Variants in TANC1 observed in about 807,000 individuals in gnomAD.
The protein encoded by TANC1 is tetratricopeptide repeat, ankyrin repeat and coiled-coil containing 1, also known as protein TANC1.
In TANC1, 77 loss-of-function variants were observed where a neutral mutation model predicts 149.7. The observed-to-expected ratio is 0.51, with a 90% confidence interval of 0.43 to 0.62. TANC1 has a LOEUF of 0.62. Ranked by LOEUF, TANC1 falls within the 20% of genes least tolerant of loss-of-function variation. The pLI is 0.00. For missense variants in TANC1, 1,985 were observed against 2,321.8 expected (o/e 0.85, Z 2.98); for synonymous variants, 854 against 925.0 (o/e 0.92, Z 1.39).
chr2:159,112,463 C>T (rs1206740674), intron 4 of TANC1, among the ~76,000 whole-genome samples: 1 of 151,806 alleles, frequency 6.6e-6, no homozygotes, highest in Non-Finnish European at 1.5e-5. Context: ...ACCATGTTGC[C>T]CAGGCTGGTG....
rs769047143 is a variant in TANC1 at position 159,229,941 on chromosome 2, G to A, written c.4515G>A (p.Gln1505=). The A allele has an allele frequency of 1.2e-6, 2 of 1,613,968 alleles. No homozygotes were observed. Among genetic ancestry groups the A allele is most frequent in the African/African-American group, 1.3e-5 (1 of 74,948 alleles). The change falls in exon 27 of 27, where the codon CAG becomes CAA. Residue 1505 remains glutamine (Q), a synonymous_variant. Transcript: ENST00000263635. ...LQSKGRPVSP[Q]SRAGIGKSLR... Reference sequence around the variant, plus strand: ...CCAAAGGAAGGCCGGTATCGCCACAGAGCAGGGCAGGAATCGGCAAGTCCC... The same window carrying A: ...CCAAAGGAAGGCCGGTATCGCCACAAAGCAGGGCAGGAATCGGCAAGTCCC...
At chr2:159,100,563 C>G (rs2046581223) in intron 4 of TANC1, among the ~76,000 whole-genome samples, 1 of 152,182 alleles carries the variant, frequency 6.6e-6, no homozygotes, top group Non-Finnish European at 1.5e-5. Context: ...GGGATGTTCT[C>G]TCTATTAGAT....
At chr2:159,105,500 C>A (rs2047092501) in intron 4 of TANC1, among the ~76,000 whole-genome samples, 1 of 152,120 alleles carries the variant, frequency 6.6e-6, no homozygotes, top group African/African-American at 2.4e-5. Context: ...GTGATATTTA[C>A]AAACATCTCT....
chr2:159,196,688 G>T lies in TANC1; in HGVS notation c.3060G>T (p.Leu1020=), dbSNP rs2057878725. ...LRGHGDILQY[L]LTCEWSPGPP... is the part of the protein sequence containing the mutation. ...GCCACGGTGACATTCTCCAGTACCT[G>T]CTGACTTGTGAGTGGTCGCCGGGTC... is the stretch of plus-strand genomic sequence containing the variant. Residue 1020 remains leucine, a synonymous_variant, in exon 18 of 27, where the codon CTG becomes CTT. Coordinates refer to ENST00000263635, the MANE Select transcript of TANC1 (RefSeq NM_033394.3). 1.2e-6 allele frequency: 2 copies of T among 1,613,942 alleles called. No individual in the cohort carries two copies. The highest frequency in any genetic ancestry group is 1.7e-6 in the Non-Finnish European group (2 of 1,180,004).
intron 2 of TANC1, chr2:159,003,911 A>G: frequency 6.2e-7 from 1 of 1,612,950 alleles, no homozygotes; most frequent in Non-Finnish European, 8.5e-7. Context: ...TACAGCTCGC[A>G]GAAAGAAGAA....
chr2:159,005,677 A>T (rs1049639039), intron 2 of TANC1, among the ~76,000 whole-genome samples: 1 of 151,874 alleles, frequency 6.6e-6, no homozygotes, highest in African/African-American at 2.4e-5. Context: ...ATAATTTTAT[A>T]ATTTTGTTAT....
At chr2:159,093,006 G>A (rs1344890023) in intron 3 of TANC1, among the ~76,000 whole-genome samples, 1 of 152,194 alleles carries the variant, frequency 6.6e-6, no homozygotes, top group Non-Finnish European at 1.5e-5. Flanking sequence ...TCCCATCTGA[G>A]ACAGTGTGAT....
intron 2 of TANC1, among the ~76,000 whole-genome samples, chr2:159,042,596 C>G (rs564815494): frequency 1.3e-4 from 20 of 152,106 alleles, no homozygotes; most frequent in African/African-American, 4.8e-4. Context: ...TCAGGCAGAA[C>G]GAAGCCAGTG....
intron 2 of TANC1, among the ~76,000 whole-genome samples, chr2:159,018,533 C>T (rs773702562): frequency 1.2e-4 from 19 of 152,110 alleles, no homozygotes; most frequent in Non-Finnish European, 1.8e-4. Context: ...TGTAAGTGTA[C>T]GGTTCAGTGG....
At chr2:159,205,659 G>A (rs1249871378) in intron 19 of TANC1, among the ~76,000 whole-genome samples, 4 of 152,322 alleles carry the variant, frequency 2.6e-5, no homozygotes, top group East Asian at 1.9e-4. Context: ...CTACACCATC[G>A]AAGTTTGTGT....
intron 8 of TANC1, 66 bp from the exon 9 acceptor site, chr2:159,169,184 A>T: frequency 7.6e-7 from 1 of 1,315,260 alleles, no homozygotes; most frequent in South Asian, 1.3e-5. Context: ...TTTATAAGTT[A>T]TAGTCACTTA....
chr2:158,983,468 C>CAAAAAAAAAAAAAAAAA lies in TANC1; in HGVS notation c.-126+14689_-126+14705dup, dbSNP rs35472970. On this transcript the variant is annotated intron_variant, in intron 1 of 26. Transcript: ENST00000263635. ...GGAGACAGAGCAAGACTCCGTCTCC[C>CAAAAAAAAAAAAAAAAA]AAAAAAAAAAAAAAAAAAACACCAA... 9.7e-4 allele frequency among the ~76,000 whole-genome samples: 86 copies of CAAAAAAAAAAAAAAAAA among 88,782 alleles called. 2 individuals are homozygous for CAAAAAAAAAAAAAAAAA. Among genetic ancestry groups the CAAAAAAAAAAAAAAAAA allele is most frequent in the Admixed American group, 8.7e-3 (63 of 7,248 alleles). The allele number at this position is 88,782 out of a possible 152,430, so 58.2% of individuals were successfully genotyped here. A position where few individuals can be genotyped will look rare whatever the true frequency, so the allele number is the denominator to read the frequency against.
At chr2:159,215,340 G>C (rs75052583) in intron 19 of TANC1, among the ~76,000 whole-genome samples, 1 of 152,122 alleles carries the variant, frequency 6.6e-6, no homozygotes, top group African/African-American at 2.4e-5. Flanking sequence ...AAGGACAGTC[G>C]GTAGAGACTG....
In TANC1 at chr2:159,220,523, T is replaced by C. The variant is rs1254238964; in HGVS notation, c.3678+656T>C. 2.6e-5 allele frequency among the ~76,000 whole-genome samples: 4 copies of C among 151,452 alleles called. No homozygotes were observed. In the South Asian group the frequency reaches 6.3e-4, roughly 24 times the overall value. ...TTCACCATGTTGGCCAGGCTGGTCT[T>C]GAACTCCTGACCTCATGATCCGCCT... is the stretch of plus-strand genomic sequence containing the variant. On this transcript the variant is annotated intron_variant, in intron 22 of 26. Transcript: ENST00000263635.
At chr2:159,076,632 T>G (rs1336449732) in intron 3 of TANC1, among the ~76,000 whole-genome samples, 2 of 152,228 alleles carry the variant, frequency 1.3e-5, no homozygotes, top group Non-Finnish European at 2.9e-5. Context: ...GCTCTTAGAT[T>G]ATTATGTGTA....
At position 159,211,705 on chromosome 2, in the gene TANC1, G is replaced by T. The variant is rs531244141; in HGVS notation, c.3245-5792G>T. ...AATGGCAGAGCCTCAGGAGTTCGCC[G>T]TGATGGCCCCAGAATACTCAATCTG... On this transcript the variant is annotated intron_variant, in intron 19 of 26. Coordinates refer to ENST00000263635, the MANE Select transcript of TANC1 (RefSeq NM_033394.3). Among the ~76,000 whole-genome samples, 7 of 152,336 alleles carry T rather than the reference G, an allele frequency of 4.6e-5. No individual in the cohort carries two copies. The East Asian group carries it at 1.3e-3, about 29-fold the overall frequency.
In TANC1 at chr2:159,133,797, G is replaced by C. The variant is rs2050356834; in HGVS notation, c.260-2397G>C. ...AGGGTTAAATTATGAAGACCGCCAAGTGATTAAATACTACATGAATCATTT... is the reference window on the plus strand; with the variant it reads ...AGGGTTAAATTATGAAGACCGCCAACTGATTAAATACTACATGAATCATTT... On this transcript the variant is annotated intron_variant, in intron 4 of 26. Transcript: ENST00000263635. Among the ~76,000 whole-genome samples the C allele has an allele frequency of 2.0e-5, 3 of 152,166 alleles. No homozygotes were observed. The South Asian group carries it at 6.2e-4, about 32-fold the overall frequency.
chr2:159,101,556 T>C (rs958533999), intron 4 of TANC1, among the ~76,000 whole-genome samples: 14 of 152,198 alleles, frequency 9.2e-5, no homozygotes, highest in African/African-American at 3.4e-4. Context: ...TTTCTGAGTA[T>C]TGTTTCAAAA....
chr2:159,125,391 A>G (rs937911565), intron 4 of TANC1, among the ~76,000 whole-genome samples: 1 of 152,128 alleles, frequency 6.6e-6, no homozygotes, highest in African/African-American at 2.4e-5. Context: ...TTATCTCACA[A>G]TTCTTTAGGA....
Sources: allele counts gnomAD v4.1 joint callset (sites outside exome capture counted in the v4.1 genomes callset), GRCh38; gene constraint gnomAD v4.1.1; transcripts MANE v1.5; gene names NCBI Gene and HGNC (gene_info 2026-07-23, HGNC 2026-07-21).